ABCA12: variants seen among roughly 807,000 people sequenced by gnomAD.
ABCA12 encodes the protein glucosylceramide transporter ABCA12.
Under a neutral mutation model 293.5 loss-of-function variants are expected in ABCA12, and 156 were observed. The ratio of observed to expected loss-of-function variants is 0.53; its 90% CI spans 0.47 to 0.61. The LOEUF (loss-of-function observed/expected upper bound fraction) is 0.61, where lower values mean the gene tolerates loss of function less well. ABCA12 is among the 20% of genes least tolerant of loss of function. The pLI is 0.00. For synonymous variants in ABCA12, 1,063 were observed against 1,108.0 expected, an observed-to-expected ratio of 0.96 and a Z score of 0.81; for missense variants, 2,797 against 3,090.2, an observed-to-expected ratio of 0.91 and a Z score of 2.25.
chr2:214,997,459 T>A (rs1323201761), intron 23 of ABCA12, among the ~76,000 whole-genome samples: 1 of 152,200 alleles, frequency 6.6e-6, no homozygotes, highest in Non-Finnish European at 1.5e-5. Context: ...ATTGTACTCA[T>A]ATTTTATTCA....
At chr2:214,933,847 A>G (rs888552706) in intron 52 of ABCA12, among the ~76,000 whole-genome samples, 1 of 152,164 alleles carries the variant, frequency 6.6e-6, no homozygotes, top group African/African-American at 2.4e-5. Flanking sequence ...ATATAACTTT[A>G]TGGGTACAGA....
chr2:215,032,127 T>C lies in ABCA12; in HGVS notation c.986-231A>G, dbSNP rs1032428450. The C allele has an allele frequency of 3.6e-6, 5 of 1,387,566 alleles. No homozygotes were observed. In the African/African-American group the frequency reaches 4.4e-5, roughly 12 times the overall value. 86.0% of individuals were successfully genotyped at this position (1,387,566 alleles called of 1,614,324 possible). ...AAAATAATCCCGATGGTCAAGCATA[T>C]GCATTTCTAACAAGTTCTTTGTCTG... is the stretch of plus-strand genomic sequence containing the variant. On this transcript the variant is annotated intron_variant, in intron 8 of 52. Coordinates refer to ENST00000272895, the MANE Select transcript of ABCA12 (RefSeq NM_173076.3).
chr2:215,128,671 T>C (rs548131369), intron 1 of ABCA12, among the ~76,000 whole-genome samples: 61 of 152,282 alleles, frequency 4.0e-4, no homozygotes, highest in South Asian at 1.0e-3. Context: ...TAAAGCTATC[T>C]ATTTCCTTGA....
Position 215,036,974 on chromosome 2 carries a change from T to A in ABCA12, c.964A>T (p.Thr322Ser). ...ATACCTTGAGCTGGGGAGTCCAGAG[T>A]GTACAGCAGATGTTTAACAGACTTC... The part of the protein sequence containing the change: ...LQKSVKHLLY[T>S]LDSPAQGDSD... Residue 322 changes from threonine (T) to serine (S), a missense_variant, in exon 8 of 53, where the codon ACT becomes TCT. Physicochemically the swap from Thr to Ser is moderately conservative, Grantham distance 58. Transcript: ENST00000272895. 1 of 1,613,804 alleles carries A rather than the reference T, an allele frequency of 6.2e-7. No homozygotes were observed. Among genetic ancestry groups the A allele is most frequent in the Non-Finnish European group, 8.5e-7 (1 of 1,179,812 alleles).
rs147218173 is a variant in ABCA12 at position 215,012,059 on chromosome 2, T to C, written c.2033A>G (p.Asn678Ser). The C allele has an allele frequency of 2.5e-3, 4,096 of 1,614,044 alleles. 3 individuals carry two copies. Among genetic ancestry groups the C allele is most frequent in the Non-Finnish European group, 3.2e-3 (3,825 of 1,179,926 alleles). ...ELFIRLKEILNQMASGTHPLL... is the reference protein window; with the variant it reads ...ELFIRLKEILSQMASGTHPLL... Reference sequence around the variant, plus strand: ...CGGATGTGTGCCAGAAGCCATCTGATTGAGAATCTCTTTTAGTCTTATGAA... The same window carrying C: ...CGGATGTGTGCCAGAAGCCATCTGACTGAGAATCTCTTTTAGTCTTATGAA... The change falls in exon 16 of 53, where the codon AAT becomes AGT. Residue 678 changes from asparagine (N) to serine (S), a missense_variant. Transcript: ENST00000272895.
intron 11 of ABCA12, chr2:215,023,429 G>A (rs1295819216): frequency 6.6e-6 from 1 of 152,122 alleles, no homozygotes; most frequent in Admixed American, 6.5e-5. Flanking sequence ...TTCCACTTCT[G>A]TGGCTTCTAG....
At chr2:214,947,286 T>G in intron 48 of ABCA12, 136 bp downstream of exon 48, 2 of 1,215,490 alleles carry the variant, frequency 1.6e-6, no homozygotes, top group Non-Finnish European at 2.4e-6. Context: ...ATACATAAAG[T>G]GCTTTGCACA....
chr2:215,065,297 TAAAAAAAAAAAA>T (rs66466863), intron 2 of ABCA12, among the ~76,000 whole-genome samples: 3 of 45,126 alleles, frequency 6.6e-5, no homozygotes, highest in African/African-American at 8.8e-5. Flanking sequence ...CATGAATGTG[TAAAAAAAAAAAA>T]AAAAAAAAAA....
chr2:215,026,811 C>T lies in ABCA12; in HGVS notation c.1180+9G>A. On this transcript the variant is annotated intron_variant, in intron 10 of 52. Coordinates refer to ENST00000272895, the MANE Select transcript of ABCA12 (RefSeq NM_173076.3). ...TGAGCAGCATTTTGACTGTTAAGAA[C>T]AGTATTACCTGGTGAACCTCTGGCC... is the stretch of plus-strand genomic sequence containing the variant. 6.3e-7 allele frequency: 1 copy of T among 1,578,766 alleles called. No homozygotes were observed. Among genetic ancestry groups the T allele is most frequent in the South Asian group, 1.1e-5 (1 of 90,318 alleles).
chr2:215,064,882 A>G (rs1275521053), intron 2 of ABCA12, among the ~76,000 whole-genome samples: 2 of 152,040 alleles, frequency 1.3e-5, no homozygotes, highest in Admixed American at 6.6e-5. Flanking sequence ...TTGTAATCAA[A>G]GTAGGTATAA....
In ABCA12 at chr2:214,986,661, C is replaced by G. The variant is rs777708588; in HGVS notation, c.4044G>C (p.Leu1348=). Residue 1348 remains leucine (L), a synonymous_variant, in exon 28 of 53, where the codon CTG becomes CTC. Coordinates refer to ENST00000272895, the MANE Select transcript of ABCA12 (RefSeq NM_173076.3). ...EPKDLTVGVA[L]HGVTKIYGSK... The stretch of plus-strand genomic sequence containing the variant: ...AGCCATAGATCTTTGTGACCCCATG[C>G]AGGGCAACCCCGACTGTGAGATCTT... 4.3e-6 allele frequency: 7 copies of G among 1,613,974 alleles called. No homozygotes were observed. In the South Asian group the frequency reaches 7.7e-5, roughly 18 times the overall value.
At chr2:214,986,295 G>A (rs1321546002) in intron 28 of ABCA12, among the ~76,000 whole-genome samples, 1 of 152,044 alleles carries the variant, frequency 6.6e-6, no homozygotes, top group East Asian at 1.9e-4. Flanking sequence ...TATCTAAGAG[G>A]TGCCAAGAAT....
In ABCA12 at chr2:214,997,099, T is replaced by C. The variant is rs567852039; in HGVS notation, c.3294+596A>G. 7.2e-5 allele frequency among the ~76,000 whole-genome samples: 11 copies of C among 152,344 alleles called. No homozygotes were observed. The South Asian group carries it at 2.3e-3, about 32-fold the overall frequency. On this transcript the variant is annotated intron_variant, in intron 23 of 52. Transcript: ENST00000272895. ...GAAGAACGTGCCCAGAAAGAGGTCA[T>C]GCATCACACTCCTGGTTCTGTCTTC...
intron 24 of ABCA12, 98 bp downstream of exon 24, chr2:214,990,604 T>C: frequency 7.8e-7 from 1 of 1,277,102 alleles, no homozygotes; most frequent in Non-Finnish European, 1.1e-6. Flanking sequence ...AATTTCAAAT[T>C]AAGATAAGTG....
At chr2:214,945,189 C>T in intron 48 of ABCA12, 85 bp from the exon 49 acceptor site, 1 of 1,083,874 alleles carries the variant, frequency 9.2e-7, no homozygotes, top group East Asian at 2.6e-5. Flanking sequence ...TTTCACTTCC[C>T]TAGAACAGAA....
chr2:215,011,650 C>CAAAATGTACAGAATTT lies in ABCA12; in HGVS notation c.2122-2_2122-1insAAATTCTGTACATTTT. 6.2e-7 allele frequency: 1 copy of CAAAATGTACAGAATTT among 1,613,894 alleles called. No homozygotes were observed. Among genetic ancestry groups the CAAAATGTACAGAATTT allele is most frequent in the Non-Finnish European group, 8.5e-7 (1 of 1,179,854 alleles). On this transcript the variant is annotated splice_acceptor_variant, in intron 16 of 52. Transcript: ENST00000272895. LOFTEE classifies it high-confidence loss of function. ...TCATTCGGTTGCTTCTGTACATTGC[C>CAAAATGTACAGAATTT]TGTGAGACAAAAATCCACAATTTAT...
intron 23 of ABCA12, among the ~76,000 whole-genome samples, chr2:214,993,552 A>C (rs1699971701): frequency 6.6e-6 from 1 of 152,176 alleles, no homozygotes; most frequent in African/African-American, 2.4e-5. Flanking sequence ...TTGTATTTTC[A>C]GATTTTTATG....
intron 2 of ABCA12, among the ~76,000 whole-genome samples, chr2:215,071,003 A>G (rs1439257824): frequency 6.6e-6 from 1 of 152,024 alleles, no homozygotes. Flanking sequence ...CAACATGGCG[A>G]AACCCTGTTT....
chr2:215,122,633 A>G (rs1240971758), intron 1 of ABCA12, among the ~76,000 whole-genome samples: 1 of 152,228 alleles, frequency 6.6e-6, no homozygotes, highest in Non-Finnish European at 1.5e-5. Flanking sequence ...TAGTTCTATC[A>G]TCAACTGAGC....
Sources: gnomAD v4.1 joint callset for allele counts (sites outside exome capture counted in the v4.1 genomes callset) on GRCh38, gnomAD v4.1.1 for gene constraint, MANE v1.5 for transcripts, NCBI Gene and HGNC (gene_info 2026-07-23, HGNC 2026-07-21) for gene names.